Variants in RIMBP2 observed in about 807,000 individuals in gnomAD.
RIMBP2 encodes RIMS binding protein 2.
In RIMBP2, 48 loss-of-function variants were observed where a neutral mutation model predicts 118.6. That is an observed-to-expected ratio of 0.40 (90% CI 0.32 to 0.51). The LOEUF is 0.51. RIMBP2 is among the 20% of genes least tolerant of loss of function. RIMBP2 has a pLI of 0.41. For synonymous variants in RIMBP2, 762 were observed against 742.9 expected (o/e 1.03, Z -0.42); for missense variants, 1,551 against 1,768.3 (o/e 0.88, Z 2.20).
At chr12:130,455,365 A>G (rs971037004) in intron 7 of RIMBP2, among the ~76,000 whole-genome samples, 1 of 151,902 alleles carries the variant, frequency 6.6e-6, no homozygotes, top group African/African-American at 2.4e-5. Context: ...CTCCCCACGT[A>G]TCGTCTGCCC....
chr12:130,412,868 T>C lies in RIMBP2; in HGVS notation c.3421-81A>G, dbSNP rs1382041933. 4 of 1,285,108 alleles carry C rather than the reference T, an allele frequency of 3.1e-6. No individual in the cohort carries two copies. In the Admixed American group the frequency reaches 1.0e-4, roughly 32 times the overall value. The allele number at this position is 1,285,108 out of a possible 1,614,324, so 79.6% of individuals were successfully genotyped here. On this transcript the variant is annotated intron_variant, in intron 18 of 22. Coordinates refer to ENST00000690449, the MANE Select transcript of RIMBP2 (RefSeq NM_001393629.1). ...AATAGTCCCACTGACGGTAAGTGAG[T>C]GTAGTCGAAAATATATTTTAAATAT... is the stretch of plus-strand genomic sequence containing the variant.
chr12:130,589,340 A>C (rs1034082065), intron 2 of RIMBP2, among the ~76,000 whole-genome samples: 9 of 150,536 alleles, frequency 6.0e-5, no homozygotes, highest in African/African-American at 2.2e-4. Flanking sequence ...TGCTAAAATG[A>C]ATAGAAAGAC....
chr12:130,664,120 T>A (rs2063769351), intron 1 of RIMBP2, among the ~76,000 whole-genome samples: 1 of 151,436 alleles, frequency 6.6e-6, no homozygotes, highest in African/African-American at 2.4e-5. Flanking sequence ...AAAATAAAAA[T>A]AAAAAAGAAG....
At chr12:130,410,973 C>T (rs11609204) in intron 19 of RIMBP2, among the ~76,000 whole-genome samples, 30,082 of 152,060 alleles carry the variant, frequency 0.2, 3,172 homozygotes, top group East Asian at 0.41. Flanking sequence ...ATATTAAGTC[C>T]ATGAATATGA....
At position 130,630,678 on chromosome 12, in the gene RIMBP2, T is replaced by A. The variant is rs140168355; in HGVS notation, c.-351-2222A>T. On this transcript the variant is annotated intron_variant, in intron 1 of 22. Coordinates refer to ENST00000690449, the MANE Select transcript of RIMBP2 (RefSeq NM_001393629.1). ...AAGAGAAGGCCCTAAATACTTCCCA[T>A]AACCGTTAGAAAGAAGAGGTGGAAT... Among the ~76,000 whole-genome samples the A allele has an allele frequency of 9.9e-5, 15 of 152,260 alleles. No homozygotes were observed. In the South Asian group the frequency reaches 1.7e-3, roughly 17 times the overall value.
chr12:130,623,288 A>G lies in RIMBP2; in HGVS notation c.-217+5034T>C, dbSNP rs564193655. Among the ~76,000 whole-genome samples the G allele has an allele frequency of 1.3e-5, 2 of 152,326 alleles. No homozygotes were observed. Among genetic ancestry groups the G allele is most frequent in the South Asian group, 4.1e-4 (2 of 4,830 alleles). ...TTTAAGTTCTTGGCTACATGTGCAG[A>G]ACATGCAGGTTTGTTACACAGGTAT... On this transcript the variant is annotated intron_variant, in intron 2 of 22. Coordinates refer to ENST00000690449, the MANE Select transcript of RIMBP2 (RefSeq NM_001393629.1). The surrounding 1 kb of genome is among the most constrained non-coding windows in gnomAD (Gnocchi z 4.1).
At chr12:130,646,441 T>C (rs71448216) in intron 1 of RIMBP2, among the ~76,000 whole-genome samples, 2,751 of 3,354 alleles carry the variant, frequency 0.82, 1,251 homozygotes, top group South Asian at 0.93. Flanking sequence ...CCACCTCCCT[T>C]GCCACCTCCC....
At chr12:130,484,564 C>T (rs911672384) in intron 4 of RIMBP2, among the ~76,000 whole-genome samples, 1 of 152,234 alleles carries the variant, frequency 6.6e-6, no homozygotes, top group Admixed American at 6.5e-5. Context: ...GGCACCTTGC[C>T]CCACTGTGTC....
rs555235027 is a variant in RIMBP2 at position 130,497,667 on chromosome 12, C to T, written c.-4+8981G>A. On this transcript the variant is annotated intron_variant, in intron 4 of 22. Transcript: ENST00000690449. ...AAACTCACATGAAAAACACATGAGG[C>T]TTTTTTTGTTTTGTTTTTTTGCAGT... 3.8e-4 allele frequency among the ~76,000 whole-genome samples: 58 copies of T among 152,212 alleles called. 1 individual carries two copies. In the South Asian group the frequency reaches 0.011, roughly 28 times the overall value.
intron 1 of RIMBP2, among the ~76,000 whole-genome samples, chr12:130,713,215 A>AAGGAAGGAAGGAAGGAAGGAAGGAAGAT: frequency 3.7e-5 from 1 of 27,098 alleles, no homozygotes; most frequent in Admixed American, 2.7e-4. Context: ...GGAAGATAGG[A>AAGGAAGGAAGGAAGGAAGGAAGGAAGAT]AGGAAGGAAG....
At chr12:130,629,699 G>C (rs995462994) in intron 1 of RIMBP2, among the ~76,000 whole-genome samples, 7 of 152,258 alleles carry the variant, frequency 4.6e-5, no homozygotes, top group African/African-American at 1.7e-4. Flanking sequence ...CTAGGCAAGA[G>C]ACTGGAAATA....
chr12:130,428,449 G>A, intron 14 of RIMBP2, 112 bp from the exon 15 acceptor site: 1 of 1,147,766 alleles, frequency 8.7e-7, no homozygotes, highest in Non-Finnish European at 1.2e-6. Flanking sequence ...GGGGCTCACA[G>A]GCCTAGAGAC....
intron 1 of RIMBP2, among the ~76,000 whole-genome samples, chr12:130,713,272 A>AGGAAGGAAGGAC (rs1391881328): frequency 3.2e-4 from 45 of 140,502 alleles, no homozygotes; most frequent in Admixed American, 5.7e-4. Flanking sequence ...GAAGGAAGGA[A>AGGAAGGAAGGAC]GGACTGAGGA....
chr12:130,427,907 CAGTTCCTGG>C (rs1429704607), intron 15 of RIMBP2: 13 of 336,336 alleles, frequency 3.9e-5, no homozygotes, highest in Non-Finnish European at 5.3e-5. Context: ...CCCCCCACTT[CAGTTCCTGG>C]CACAGAGCTG....
rs949402158 is a variant in RIMBP2, at chr12:130,437,041, G to C, written c.1907C>G (p.Ala636Gly). 6.3e-7 allele frequency: 1 copy of C among 1,579,466 alleles called. No homozygotes were observed. The highest frequency in any genetic ancestry group is 1.4e-5 in the African/African-American group (1 of 73,996). Reference sequence around the variant, plus strand: ...CTGCTCCCAGGCCTCATCCATCCTGGCGTGGGGACCCAGGTGCTCGTCTTT... The same window carrying C: ...CTGCTCCCAGGCCTCATCCATCCTGCCGTGGGGACCCAGGTGCTCGTCTTT... The part of the protein sequence containing the change: ...ETKDEHLGPH[A>G]RMDEAWEQSR... The change falls in exon 13 of 23, where the codon GCC (alanine) becomes GGC (glycine). Residue 636 changes from alanine to glycine, a missense_variant. Ala to Gly is a moderately conservative substitution (Grantham distance 60). Coordinates refer to ENST00000690449, the MANE Select transcript of RIMBP2 (RefSeq NM_001393629.1).
In RIMBP2 at chr12:130,560,137, C is replaced by CA. The variant is rs1281056752; in HGVS notation, c.-216-42221dup. Among the ~76,000 whole-genome samples, 8 of 152,262 alleles carry CA rather than the reference C, an allele frequency of 5.3e-5. No individual in the cohort carries two copies. The East Asian group carries it at 1.4e-3, about 26-fold the overall frequency. ...GAATGACAACTCTCCCAGACGGAGGCAAAAATGTGTTCTAAAGGCAAAGTA... is the reference window on the plus strand; with the variant it reads ...GAATGACAACTCTCCCAGACGGAGGCAAAAAATGTGTTCTAAAGGCAAAGTA... On this transcript the variant is annotated intron_variant, in intron 2 of 22. Coordinates refer to ENST00000690449, the MANE Select transcript of RIMBP2 (RefSeq NM_001393629.1).
intron 2 of RIMBP2, among the ~76,000 whole-genome samples, chr12:130,535,760 T>TACACATATACATATAC (rs1566218352): frequency 0.014 from 695 of 51,114 alleles, 17 homozygotes; most frequent in African/African-American, 0.035. Flanking sequence ...TATATATATA[T>TACACATATACATATAC]ATATATATAT....
intron 2 of RIMBP2, among the ~76,000 whole-genome samples, chr12:130,584,826 A>T (rs548341029): frequency 8.1e-5 from 5 of 61,988 alleles, no homozygotes; most frequent in African/African-American, 1.6e-4. Context: ...TTTCTTTGTA[A>T]CTACTTTTTA....
At chr12:130,509,851 A>C (rs2050738782) in intron 3 of RIMBP2, among the ~76,000 whole-genome samples, 1 of 152,218 alleles carries the variant, frequency 6.6e-6, no homozygotes. Flanking sequence ...AAATCTCCAA[A>C]GGAAAAAACA....
Sources: gnomAD v4.1 joint callset for allele counts (sites outside exome capture counted in the v4.1 genomes callset) on GRCh38, gnomAD v4.1.1 for gene constraint, Gnocchi (gnomAD v3.1) non-coding constraint, MANE v1.5 for transcripts, NCBI Gene and HGNC (gene_info 2026-07-23, HGNC 2026-07-21) for gene names.